Variants in RP1L1 observed in about 807,000 individuals in gnomAD.
RP1L1 encodes retinitis pigmentosa 1-like 1 protein.
In RP1L1, 27 loss-of-function variants were observed where a neutral mutation model predicts 15.7. That is an observed-to-expected ratio of 1.72 (90% CI 1.27 to 2.38). The LOEUF (loss-of-function observed/expected upper bound fraction) is 2.38, where lower values mean the gene tolerates loss of function less well. Ranked by LOEUF, RP1L1 falls within the 30% of genes most tolerant of loss-of-function variation. RP1L1 has a pLI of 0.00. For synonymous variants in RP1L1, 1,813 were observed against 1,276.7 expected, an observed-to-expected ratio of 1.42 and a Z score of -8.96; for missense variants, 4,798 against 3,075.9, an observed-to-expected ratio of 1.56 and a Z score of -13.24.
intron 1 of RP1L1, among the ~76,000 whole-genome samples, chr8:10,635,843 G>C (rs1484170246): frequency 6.6e-6 from 1 of 152,234 alleles, no homozygotes; most frequent in Non-Finnish European, 1.5e-5. Flanking sequence ...TGGGGACTCA[G>C]GATCAGCAGA....
intron 1 of RP1L1, among the ~76,000 whole-genome samples, chr8:10,626,368 C>T (rs1443055026): frequency 2.0e-5 from 3 of 152,168 alleles, no homozygotes; most frequent in South Asian, 2.1e-4. Context: ...CAATATCACA[C>T]GCGGATCACC....
Position 10,611,549 on chromosome 8 carries a change from C to T in RP1L1, c.2549G>A (p.Gly850Asp). The part of the protein sequence containing the change: ...GPSPEASWLC[G>D]RYCPTPPRGR... ...CCTGGGCGGGGTGGGACAGTACCTG[C>T]CACACAGCCAGCTAGCCTCAGGGGA... is the stretch of plus-strand genomic sequence containing the variant. The change falls in exon 4 of 4, where the codon GGC becomes GAC. Residue 850 changes from glycine (G) to aspartate (D), a missense_variant. Transcript: ENST00000382483. 6.3e-7 allele frequency: 1 copy of T among 1,597,144 alleles called. No homozygotes were observed. Among genetic ancestry groups the T allele is most frequent in the Non-Finnish European group, 8.5e-7 (1 of 1,172,302 alleles).
rs896491515 is a variant in RP1L1 at position 10,619,936 on chromosome 8, G to C, written c.609+2657C>G. Among the ~76,000 whole-genome samples the C allele has an allele frequency of 6.3e-5, 9 of 142,292 alleles. No homozygotes were observed. The Admixed American group carries it at 6.5e-4, about 10-fold the overall frequency. 93.3% of individuals were successfully genotyped at this position (142,292 alleles called of 152,430 possible). On this transcript the variant is annotated intron_variant, in intron 2 of 3. Transcript: ENST00000382483. ...AGATCATGCCACTGCGCTCCACCAT[G>C]GGTGACAGAGGGAGACTCCATCTCA...
Position 10,611,377 on chromosome 8 carries a change from T to A in RP1L1, c.2721A>T (p.Ala907=). ...CCTGGCTGGCACTGCTTCTCCTTGA[T>A]GCCCCTGAATTGGGGCCTGGGGACG... ...PTPSPGPNSG[A]SRRSSASQGA... is the part of the protein sequence containing the mutation. Residue 907 remains alanine, a synonymous_variant, in exon 4 of 4, where the codon GCA becomes GCT. Coordinates refer to ENST00000382483, the MANE Select transcript of RP1L1 (RefSeq NM_178857.6). The A allele has an allele frequency of 6.2e-7, 1 of 1,609,042 alleles. No individual in the cohort carries two copies. Among genetic ancestry groups the A allele is most frequent in the Non-Finnish European group, 8.5e-7 (1 of 1,178,960 alleles).
chr8:10,619,716 C>CA (rs1798028225), intron 2 of RP1L1, among the ~76,000 whole-genome samples: 2 of 152,014 alleles, frequency 1.3e-5, no homozygotes, highest in African/African-American at 4.8e-5. Flanking sequence ...CACCTGAGGT[C>CA]AAGAGTTCAA....
intron 1 of RP1L1, among the ~76,000 whole-genome samples, chr8:10,630,057 G>C (rs1485581425): frequency 6.6e-6 from 1 of 152,212 alleles, no homozygotes; most frequent in East Asian, 1.9e-4. Flanking sequence ...GTGGTGAGGG[G>C]GTCTCCTTCA....
At position 10,608,754 on chromosome 8, in the gene RP1L1, T is replaced by C; in HGVS notation, c.5344A>G (p.Ser1782Gly). ...REGKTHNSET[S>G]AGSELGEAEQ... ...GCTTCCCCCAACTCACTGCCCGCAC[T>C]GGTTTCACTGTTGTGGGTTTTCCCT... is the stretch of plus-strand genomic sequence containing the variant. The change falls in exon 4 of 4, where the codon AGT (serine) becomes GGT (glycine). Residue 1782 changes from serine (S) to glycine (G), a missense_variant. Coordinates refer to ENST00000382483, the MANE Select transcript of RP1L1 (RefSeq NM_178857.6). 2 of 1,614,218 alleles carry C rather than the reference T, an allele frequency of 1.2e-6. No individual in the cohort carries two copies. The highest frequency in any genetic ancestry group is 1.7e-6 in the Non-Finnish European group (2 of 1,180,026).
At position 10,609,550 on chromosome 8, in the gene RP1L1, G is replaced by A. The variant is rs1240122309; in HGVS notation, c.4548C>T (p.Pro1516=). The A allele has an allele frequency of 1.2e-6, 2 of 1,604,880 alleles. No individual in the cohort carries two copies. The highest frequency in any genetic ancestry group is 1.7e-6 in the Non-Finnish European group (2 of 1,177,192). Residue 1516 remains proline, a synonymous_variant, in exon 4 of 4, where the codon CCC becomes CCT. Transcript: ENST00000382483. ...TCTTCAGTAACACGGACACCCAGAT[G>A]GGGTCGCAGTCCAGAGCCGCGCTGC... The part of the protein sequence containing the change: ...VACSAALDCD[P]IWVSVLLKKT...
intron 2 of RP1L1, among the ~76,000 whole-genome samples, chr8:10,617,458 A>T (rs560036820): frequency 9.2e-4 from 138 of 150,150 alleles, no homozygotes; most frequent in African/African-American, 3.1e-3. Flanking sequence ...TTCCCCAAAA[A>T]ATGTCATAGA....
At chr8:10,643,855 A>C (rs935461719) in intron 1 of RP1L1, among the ~76,000 whole-genome samples, 2 of 152,012 alleles carry the variant, frequency 1.3e-5, no homozygotes, top group African/African-American at 4.8e-5. Flanking sequence ...TGCCATGGAA[A>C]TTCAGGGAAT....
intron 3 of RP1L1, among the ~76,000 whole-genome samples, chr8:10,616,107 T>C (rs373466561): frequency 5.9e-5 from 9 of 152,218 alleles, no homozygotes; most frequent in South Asian, 4.1e-4. Context: ...CAGTGTCTCA[T>C]TATGTTGCCC....
At chr8:10,614,782 G>T (rs117434978) in intron 3 of RP1L1, among the ~76,000 whole-genome samples, 23 of 151,618 alleles carry the variant, frequency 1.5e-4, no homozygotes, top group Admixed American at 1.5e-3. Context: ...CCATCTCCTG[G>T]GGGGAGGGGG....
intron 2 of RP1L1, among the ~76,000 whole-genome samples, chr8:10,620,775 A>G (rs1465960116): frequency 6.6e-6 from 1 of 152,206 alleles, no homozygotes; most frequent in Non-Finnish European, 1.5e-5. Flanking sequence ...CTACTATTAC[A>G]CAATGGGATA....
rs778435389 is a variant in RP1L1 at position 10,622,983 on chromosome 8, A to G, written c.219T>C (p.Pro73=). 2.5e-6 allele frequency: 4 copies of G among 1,614,078 alleles called. No individual in the cohort carries two copies. Among genetic ancestry groups the G allele is most frequent in the East Asian group, 2.2e-5 (1 of 44,880 alleles). The change falls in exon 2 of 4, where the codon CCT becomes CCC. Residue 73 remains proline (P), a synonymous_variant. Transcript: ENST00000382483. ...ALMDELSQRV[P]LSFGVRSVTT... ...TGACAGAGCGCACCCCAAAGGAGAG[A>G]GGCACGCGCTGGGAGAGCTCGTCCA...
chr8:10,611,071 C>A lies in RP1L1; in HGVS notation c.3027G>T (p.Ala1009=), dbSNP rs201640796. ...GGTCCCCTTCCAGGGACTGCTGTCC[C>A]GCCTGAGCTGGCTCCCCCAGGCCTT... ...SLEGLGEPAQ[A]GQQSLEGDPG... Residue 1009 remains alanine, a synonymous_variant, in exon 4 of 4, where the codon GCG becomes GCT. Coordinates refer to ENST00000382483, the MANE Select transcript of RP1L1 (RefSeq NM_178857.6). The A allele has an allele frequency of 1.9e-6, 3 of 1,612,734 alleles. No individual in the cohort carries two copies. The highest frequency in any genetic ancestry group is 2.5e-6 in the Non-Finnish European group (3 of 1,180,014).
At chr8:10,634,511 G>C (rs890174700) in intron 1 of RP1L1, among the ~76,000 whole-genome samples, 8 of 152,312 alleles carry the variant, frequency 5.3e-5, no homozygotes, top group African/African-American at 1.9e-4. Flanking sequence ...GCGAGGATCA[G>C]GTCTGGTGTT....
At chr8:10,619,419 C>T (rs1798023442) in intron 2 of RP1L1, among the ~76,000 whole-genome samples, 1 of 152,182 alleles carries the variant, frequency 6.6e-6, no homozygotes, top group South Asian at 2.1e-4. Context: ...CATCATCTTC[C>T]CATTTGGGAT....
chr8:10,625,344 C>T (rs1394484599), intron 1 of RP1L1, among the ~76,000 whole-genome samples: 3 of 152,190 alleles, frequency 2.0e-5, no homozygotes, highest in Non-Finnish European at 4.4e-5. Context: ...CCTCCAGTAC[C>T]ACTCACCTGG....
Position 10,648,939 on chromosome 8 carries a change from C to T in RP1L1, c.-20+5959G>A, listed in dbSNP as rs529712557. On this transcript the variant is annotated intron_variant, in intron 1 of 3. Coordinates refer to ENST00000382483, the MANE Select transcript of RP1L1 (RefSeq NM_178857.6). ...ATGCTTCACAGGAGCTGCGAGGACG[C>T]TTCAGGGCCAGGGACATCCACTGCC... 8.5e-5 allele frequency among the ~76,000 whole-genome samples: 13 copies of T among 152,340 alleles called. 1 individual carries two copies. The South Asian group carries it at 2.7e-3, about 32-fold the overall frequency.
Sources: gnomAD v4.1 joint callset for allele counts (sites outside exome capture counted in the v4.1 genomes callset) on GRCh38, gnomAD v4.1.1 for gene constraint, MANE v1.5 for transcripts, NCBI Gene and HGNC (gene_info 2026-07-23, HGNC 2026-07-21) for gene names.